The following MYO5B variants were observed in gnomAD, a reference collection of about 807,000 sequenced individuals.
MYO5B encodes myosin VB, also known as unconventional myosin-Vb.
MYO5B carries 143 observed loss-of-function variants against 229.3 expected under a neutral mutation model. The observed-to-expected ratio is 0.62, with a 90% CI of 0.54 to 0.72. MYO5B has a LOEUF of 0.72. Among genes scored for constraint, MYO5B ranks in the 30% least tolerant of loss-of-function variants. The pLI is 0.00. For missense variants in MYO5B, 2,321 were observed against 2,331.0 expected, an observed-to-expected ratio of 1.00 and a Z score of 0.09; for synonymous variants, 918 against 885.2, an observed-to-expected ratio of 1.04 and a Z score of -0.66.
chr18:49,887,375 G>A, intron 22 of MYO5B, among the ~76,000 whole-genome samples: 1 of 152,088 alleles, frequency 6.6e-6, no homozygotes, highest in Admixed American at 6.5e-5. Flanking sequence ...ACTGCTCTGT[G>A]AGCCATCTAG....
At chr18:50,145,164 T>C (rs569535841) in intron 1 of MYO5B, among the ~76,000 whole-genome samples, 2 of 152,242 alleles carry the variant, frequency 1.3e-5, no homozygotes, top group African/African-American at 4.8e-5. Context: ...CAAAGTGACC[T>C]ACTTCTGGGT....
At chr18:49,833,257 T>C (rs1017077867) in intron 39 of MYO5B, among the ~76,000 whole-genome samples, 4 of 152,254 alleles carry the variant, frequency 2.6e-5, no homozygotes, top group African/African-American at 7.2e-5. Flanking sequence ...GTTTAACAAC[T>C]TCAAATTTAC....
intron 2 of MYO5B, among the ~76,000 whole-genome samples, chr18:50,041,978 A>T (rs1293916673): frequency 6.6e-6 from 1 of 152,236 alleles, no homozygotes; most frequent in East Asian, 1.9e-4. Flanking sequence ...AAAATAGCAC[A>T]TGAACAGATG....
At chr18:50,067,967 C>G (rs1446061472) in intron 1 of MYO5B, among the ~76,000 whole-genome samples, 1 of 152,066 alleles carries the variant, frequency 6.6e-6, no homozygotes, top group Non-Finnish European at 1.5e-5. Context: ...CAAGTATACA[C>G]TACAGACATG....
At chr18:49,906,705 C>G in intron 18 of MYO5B, 75 bp from the exon 19 acceptor site, 6 of 1,321,102 alleles carry the variant, frequency 4.5e-6, no homozygotes, top group Non-Finnish European at 6.5e-6. Flanking sequence ...CACCCTTGTT[C>G]TTCCCATGCA....
At chr18:50,062,165 G>GAA (rs57587120) in intron 1 of MYO5B, among the ~76,000 whole-genome samples, 1 of 148,174 alleles carries the variant, frequency 6.7e-6, no homozygotes, top group African/African-American at 2.5e-5. Context: ...AATTACACAT[G>GAA]AAAAAAAAAA....
chr18:49,958,628 A>G (rs549003431), intron 12 of MYO5B, among the ~76,000 whole-genome samples: 89 of 152,196 alleles, frequency 5.8e-4, no homozygotes, highest in African/African-American at 1.9e-3. Flanking sequence ...ACCCAAGCCC[A>G]TGCTCCTCTC....
At chr18:50,163,918 T>C (rs1244009012) in intron 1 of MYO5B, among the ~76,000 whole-genome samples, 2 of 152,226 alleles carry the variant, frequency 1.3e-5, no homozygotes, top group African/African-American at 4.8e-5. Flanking sequence ...ATCCCATCCA[T>C]GTCTAAATCC....
chr18:49,904,728 C>T lies in MYO5B; in HGVS notation c.2515G>A (p.Ala839Thr), dbSNP rs1234945345. 3 of 1,613,970 alleles carry T rather than the reference C, an allele frequency of 1.9e-6. No homozygotes were observed. Among genetic ancestry groups the T allele is most frequent in the African/African-American group, 2.7e-5 (2 of 74,932 alleles). ...RQAYQRVRRA[A>T]VVIQAFTRAM... Reference sequence around the variant, plus strand: ...CGGGTGAAGGCCTGGATAACAACGGCAGCTCTGCGGACCCTCTGGTAGGCC... The same window carrying T: ...CGGGTGAAGGCCTGGATAACAACGGTAGCTCTGCGGACCCTCTGGTAGGCC... The change falls in exon 20 of 40, where the codon GCC becomes ACC. Residue 839 changes from alanine (A) to threonine (T), a missense_variant. By Grantham distance (58) the Ala-to-Thr change is moderately conservative (BLOSUM62 0). Around this residue, in one of 2 missense-constraint regions of MYO5B, gnomAD observed 2,113 missense variants for 2,044.7 expected, o/e 1.03. Transcript: ENST00000285039.
intron 18 of MYO5B, among the ~76,000 whole-genome samples, chr18:49,907,962 G>A (rs2024918302): frequency 6.6e-6 from 1 of 152,220 alleles, no homozygotes; most frequent in African/African-American, 2.4e-5. Context: ...CCACGGCCCT[G>A]CTTTGATCTC....
intron 1 of MYO5B, among the ~76,000 whole-genome samples, chr18:50,161,699 G>A (rs988894382): frequency 1.3e-5 from 2 of 152,172 alleles, no homozygotes; most frequent in East Asian, 1.9e-4. Flanking sequence ...AGACAATCAG[G>A]TTCTAGACAG....
intron 39 of MYO5B, among the ~76,000 whole-genome samples, chr18:49,832,309 A>G (rs553297400): frequency 6.6e-6 from 1 of 152,330 alleles, no homozygotes; most frequent in South Asian, 2.1e-4. Context: ...ACTGGCACAT[A>G]GTAAGTGCTG....
intron 1 of MYO5B, among the ~76,000 whole-genome samples, chr18:50,115,775 G>A (rs909055621): frequency 6.6e-6 from 1 of 151,320 alleles, no homozygotes; most frequent in Non-Finnish European, 1.5e-5. Context: ...CTTAAGGACA[G>A]TGTATGGGGA....
intron 31 of MYO5B, among the ~76,000 whole-genome samples, chr18:49,853,154 G>C (rs2024221456): frequency 6.6e-6 from 1 of 152,208 alleles, no homozygotes; most frequent in East Asian, 1.9e-4. Flanking sequence ...CGCTGTTCCT[G>C]CTTTCATCCT....
At chr18:50,007,552 T>G (rs1030825533) in intron 4 of MYO5B, among the ~76,000 whole-genome samples, 11 of 152,218 alleles carry the variant, frequency 7.2e-5, no homozygotes, top group African/African-American at 2.4e-4. Flanking sequence ...CCACATCTAC[T>G]GTGTTCAAGG....
Position 50,128,546 on chromosome 18 carries a change from C to T in MYO5B, c.27+66221G>A, listed in dbSNP as rs537772316. On this transcript the variant is annotated intron_variant, in intron 1 of 39. Transcript: ENST00000285039. ...CAGGTAGGAGAAGACATGTGGGGTG[C>T]GATAGCAGCGCCTAGCTCAGTGACA... is the stretch of plus-strand genomic sequence containing the variant. Among the ~76,000 whole-genome samples, 10 of 152,262 alleles carry T rather than the reference C, an allele frequency of 6.6e-5. No homozygotes were observed. The South Asian group carries it at 1.5e-3, about 22-fold the overall frequency.
In MYO5B at chr18:49,860,595, AAAACTCTAC is replaced by A. The variant is rs536165856; in HGVS notation, c.3944+2623_3944+2631del. Among the ~76,000 whole-genome samples, 396 of 152,300 alleles carry A rather than the reference AAAACTCTAC, an allele frequency of 2.6e-3. 3 individuals are homozygous for A. The highest frequency in any genetic ancestry group is 9.0e-3 in the African/African-American group (372 of 41,564). On this transcript the variant is annotated intron_variant, in intron 29 of 39. Transcript: ENST00000285039. ...AAGACACAGTTATAGGGACCAAAAC[AAAACTCTAC>A]AAACTTATGAAGGTTAGCAAGTGAT...
intron 1 of MYO5B, among the ~76,000 whole-genome samples, chr18:50,126,820 G>T (rs2032171629): frequency 6.6e-6 from 1 of 152,166 alleles, no homozygotes; most frequent in African/African-American, 2.4e-5. Flanking sequence ...TTGAATCCCA[G>T]CCCTGCTGCT....
intron 1 of MYO5B, among the ~76,000 whole-genome samples, chr18:50,089,280 A>T (rs1470057112): frequency 1.3e-5 from 2 of 152,294 alleles, no homozygotes; most frequent in Middle Eastern, 3.4e-3. Context: ...CAAGAGGCTG[A>T]GGCAGGAGAA....
Sources: allele counts gnomAD v4.1 joint callset (sites outside exome capture counted in the v4.1 genomes callset), GRCh38; gene constraint gnomAD v4.1.1; regional missense constraint gnomAD v4.1.1; transcripts MANE v1.5; gene names NCBI Gene and HGNC (gene_info 2026-07-23, HGNC 2026-07-21).